The following TENM2 variants were observed in gnomAD, a reference collection of about 807,000 sequenced individuals.
TENM2 encodes the protein teneurin-2.
Under a neutral mutation model 245.2 loss-of-function variants are expected in TENM2, and 52 were observed. The ratio of observed to expected loss-of-function variants is 0.21; its 90% CI spans 0.17 to 0.27. TENM2 has a LOEUF of 0.27. TENM2 is among the 10% of genes least tolerant of loss of function. The probability of loss-of-function intolerance (pLI) is 1.00; values close to 1 mark genes in which losing one functional copy is unlikely to be tolerated. For synonymous variants in TENM2, 1,363 were observed against 1,438.9 expected, an observed-to-expected ratio of 0.95 and a Z score of 1.19; for missense variants, 3,046 against 3,666.8, an observed-to-expected ratio of 0.83 and a Z score of 4.37.
At chr5:167,276,620 G>A in the TENM2 span, among the ~76,000 whole-genome samples, 2 of 151,870 alleles carry the variant, frequency 1.3e-5, no homozygotes, top group Admixed American at 6.6e-5. Context: ...CCGGGATGTC[G>A]CACAGATACT....
intron 2 of TENM2, among the ~76,000 whole-genome samples, chr5:167,811,279 T>C (rs1766616175): frequency 6.6e-6 from 1 of 151,650 alleles, no homozygotes; most frequent in African/African-American, 2.4e-5. Context: ...AGATGGGAGG[T>C]GTTTGGTTTA....
intron 2 of TENM2, among the ~76,000 whole-genome samples, chr5:167,495,043 A>T (rs1021871695): frequency 1.4e-4 from 22 of 152,070 alleles, no homozygotes; most frequent in African/African-American, 5.3e-4. Context: ...TTTAATATAA[A>T]GTTTTTATTG....
At chr5:167,469,827 C>T (rs1361221434) in intron 2 of TENM2, among the ~76,000 whole-genome samples, 2 of 151,928 alleles carry the variant, frequency 1.3e-5, no homozygotes, top group Non-Finnish European at 2.9e-5. Context: ...TGGGAGTAGT[C>T]ATACCTTGCA....
At chr5:167,755,470 A>T (rs551314930) in intron 2 of TENM2, among the ~76,000 whole-genome samples, 1 of 146,302 alleles carries the variant, frequency 6.8e-6, no homozygotes, top group South Asian at 2.2e-4. Context: ...AAAAAAAAAT[A>T]TGTGAAAATA....
intron 2 of TENM2, among the ~76,000 whole-genome samples, chr5:167,716,573 C>CT (rs1472569122): frequency 2.0e-5 from 3 of 152,062 alleles, no homozygotes; most frequent in African/African-American, 7.2e-5. Flanking sequence ...AAGCACAGAG[C>CT]TTTGCTCCTT....
chr5:168,228,679 C>CATTTTAA (rs1764500133), intron 25 of TENM2, among the ~76,000 whole-genome samples: 2 of 152,038 alleles, frequency 1.3e-5, no homozygotes, highest in Admixed American at 6.6e-5. Context: ...GAGGTACATG[C>CATTTTAA]AGGGTCTGAT....
chr5:168,114,363 C>T lies in TENM2; in HGVS notation c.1814-3929C>T, dbSNP rs76186336. On this transcript the variant is annotated intron_variant, in intron 9 of 28. Transcript: ENST00000518659. The stretch of plus-strand genomic sequence containing the variant: ...ACTTCTGCTCCGTAATACTTCTTGG[C>T]ACAGAGTAGGCAGTCAGTGTCATTT... Among the ~76,000 whole-genome samples the T allele has an allele frequency of 6.4e-3, 970 of 152,306 alleles. 9 individuals carry two copies. The highest frequency in any genetic ancestry group is 0.011 in the Non-Finnish European group (717 of 68,026).
intron 2 of TENM2, among the ~76,000 whole-genome samples, chr5:167,427,600 ACGGGAGGG>A (rs1763922401): frequency 9.0e-6 from 1 of 110,590 alleles, no homozygotes; most frequent in African/African-American, 4.6e-5. Context: ...GAAGGAAGGG[ACGGGAGGG>A]AAGGAAGGGA....
chr5:168,148,872 AT>A (rs1562217376), intron 12 of TENM2, among the ~76,000 whole-genome samples: 10 of 132,434 alleles, frequency 7.6e-5, no homozygotes, highest in Admixed American at 7.2e-4. Flanking sequence ...ATAAATATAT[AT>A]GATAGATAGA....
chr5:167,995,569 C>T (rs549320508), intron 5 of TENM2, among the ~76,000 whole-genome samples: 2 of 152,296 alleles, frequency 1.3e-5, no homozygotes, highest in South Asian at 4.1e-4. Flanking sequence ...GACCGCAGGT[C>T]TGCAAGCGTG....
intron 2 of TENM2, among the ~76,000 whole-genome samples, chr5:167,848,476 T>C: frequency 6.6e-6 from 1 of 152,186 alleles, no homozygotes; most frequent in East Asian, 1.9e-4. Context: ...TTTGTATGTA[T>C]ATATCTTCAT....
At chr5:167,465,780 G>A (rs1766609323) in intron 2 of TENM2, among the ~76,000 whole-genome samples, 2 of 152,120 alleles carry the variant, frequency 1.3e-5, no homozygotes, top group Admixed American at 1.3e-4. Flanking sequence ...GCAGTAAGCG[G>A]AGATCGCGCC....
chr5:168,072,900 G>T (rs2152131825), intron 7 of TENM2, among the ~76,000 whole-genome samples: 1 of 152,266 alleles, frequency 6.6e-6, no homozygotes, highest in Middle Eastern at 3.4e-3. Context: ...CACCAATACT[G>T]ATATGCAAAC....
At chr5:167,994,598 T>C (rs1344347999) in intron 5 of TENM2, among the ~76,000 whole-genome samples, 2 of 152,250 alleles carry the variant, frequency 1.3e-5, no homozygotes, top group Non-Finnish European at 1.5e-5. Flanking sequence ...CTTGTCTTAA[T>C]ATGGAAAAAT....
intron 2 of TENM2, among the ~76,000 whole-genome samples, chr5:167,801,929 C>CACACACAT: frequency 6.6e-6 from 1 of 151,312 alleles, no homozygotes; most frequent in Middle Eastern, 3.4e-3. Context: ...CACACACACA[C>CACACACAT]AGGGTAATTT....
At chr5:167,265,093 C>T in the TENM2 span, among the ~76,000 whole-genome samples, 9 of 151,640 alleles carry the variant, frequency 5.9e-5, no homozygotes, top group Admixed American at 3.9e-4. Context: ...TTTGGGAGAC[C>T]GAGGCGAGTG....
chr5:167,623,980 A>G (rs1436909376), intron 2 of TENM2, among the ~76,000 whole-genome samples: 2 of 152,126 alleles, frequency 1.3e-5, no homozygotes, highest in Admixed American at 6.6e-5. Flanking sequence ...TGAGCATGTA[A>G]ATTAGTTTAT....
At chr5:167,831,284 C>T (rs1768455193) in intron 2 of TENM2, among the ~76,000 whole-genome samples, 1 of 152,126 alleles carries the variant, frequency 6.6e-6, no homozygotes, top group African/African-American at 2.4e-5. Context: ...TTATTCCTCA[C>T]AATTGATCAT....
chr5:167,476,134 G>A (rs1345818227), intron 2 of TENM2, among the ~76,000 whole-genome samples: 1 of 152,176 alleles, frequency 6.6e-6, no homozygotes, highest in African/African-American at 2.4e-5. Flanking sequence ...CAGATATATA[G>A]ATTGAAAATG....
Sources: gnomAD v4.1 joint callset for allele counts (sites outside exome capture counted in the v4.1 genomes callset) on GRCh38, gnomAD v4.1.1 for gene constraint, MANE v1.5 for transcripts, NCBI Gene and HGNC (gene_info 2026-07-23, HGNC 2026-07-21) for gene names.